Variants in SDK1 observed in about 807,000 individuals in gnomAD.
SDK1 encodes sidekick cell adhesion molecule 1.
In SDK1, 157 loss-of-function variants were observed where a neutral mutation model predicts 245.5. That is an observed-to-expected ratio of 0.64 (90% CI 0.56 to 0.73). The LOEUF (loss-of-function observed/expected upper bound fraction) is 0.73. Ranked by LOEUF, SDK1 falls within the 30% of genes least tolerant of loss-of-function variation. The pLI, the probability that SDK1 is intolerant of heterozygous loss-of-function variation, is 0.00. For synonymous variants in SDK1, 1,647 were observed against 1,278.5 expected, an observed-to-expected ratio of 1.29 and a Z score of -6.15; for missense variants, 3,583 against 3,002.3, an observed-to-expected ratio of 1.19 and a Z score of -4.52.
chr7:3,673,287 G>T (rs1783779135), intron 4 of SDK1, among the ~76,000 whole-genome samples: 2 of 152,196 alleles, frequency 1.3e-5, no homozygotes, highest in Admixed American at 1.3e-4. Flanking sequence ...GGCGGTTCAT[G>T]ATCAACAGAA....
At position 3,989,662 on chromosome 7, in the gene SDK1, C is replaced by T. The variant is rs191821762; in HGVS notation, c.2131+2340C>T. ...CCCTGAAACCCAGCTCCCCGTGGGT[C>T]CCTGGTGCTGCTCACTTTTCTGGGC... On this transcript the variant is annotated intron_variant, in intron 14 of 44. Transcript: ENST00000404826. Among the ~76,000 whole-genome samples the T allele has an allele frequency of 7.0e-3, 1,059 of 152,286 alleles. 13 individuals carry two copies. The highest frequency in any genetic ancestry group is 0.024 in the African/African-American group (999 of 41,548).
At chr7:3,730,742 C>T (rs964393540) in intron 4 of SDK1, among the ~76,000 whole-genome samples, 1 of 152,132 alleles carries the variant, frequency 6.6e-6, no homozygotes, top group African/African-American at 2.4e-5. Context: ...AATGGATCAA[C>T]AGGCAGCCAA....
intron 22 of SDK1, among the ~76,000 whole-genome samples, chr7:4,098,824 CTTTTT>C (rs58678214): frequency 3.6e-5 from 3 of 82,862 alleles, no homozygotes; most frequent in Admixed American, 2.8e-4. Flanking sequence ...CCACAATGCC[CTTTTT>C]TTTTTTTTTT....
At chr7:3,524,272 T>C (rs1367056121) in intron 1 of SDK1, among the ~76,000 whole-genome samples, 1 of 152,146 alleles carries the variant, frequency 6.6e-6, no homozygotes, top group East Asian at 1.9e-4. Context: ...CTATAGAGGA[T>C]GCTGAGTCAA....
intron 1 of SDK1, among the ~76,000 whole-genome samples, chr7:3,558,553 G>C (rs1348408884): frequency 1.3e-5 from 2 of 152,204 alleles, no homozygotes; most frequent in Non-Finnish European, 2.9e-5. Flanking sequence ...GCCTGGTACA[G>C]GCCATGTGGA....
intron 5 of SDK1, among the ~76,000 whole-genome samples, chr7:3,857,471 C>A (rs1299041376): frequency 6.6e-6 from 1 of 151,804 alleles, no homozygotes; most frequent in African/African-American, 2.4e-5. Flanking sequence ...TTGTTTGTGC[C>A]CAGGAGTTCA....
intron 5 of SDK1, among the ~76,000 whole-genome samples, chr7:3,900,165 CTG>C (rs963871688): frequency 6.6e-6 from 1 of 152,340 alleles, no homozygotes; most frequent in East Asian, 1.9e-4. Context: ...TCCTTCTAAT[CTG>C]TGTCTTTATA....
At chr7:3,313,750 T>A (rs1372321439) in intron 1 of SDK1, among the ~76,000 whole-genome samples, 1 of 152,158 alleles carries the variant, frequency 6.6e-6, no homozygotes, top group Non-Finnish European at 1.5e-5. Flanking sequence ...TTGTACAACA[T>A]GGTGACTATA....
chr7:4,200,921 G>T (rs571114108), intron 35 of SDK1, among the ~76,000 whole-genome samples: 1 of 152,228 alleles, frequency 6.6e-6, no homozygotes, highest in South Asian at 2.1e-4. Flanking sequence ...ATGCATTACA[G>T]ATTGTTGGAG....
At chr7:4,106,060 C>A (rs1040291443) in intron 22 of SDK1, among the ~76,000 whole-genome samples, 1 of 152,074 alleles carries the variant, frequency 6.6e-6, no homozygotes, top group Non-Finnish European at 1.5e-5. Flanking sequence ...ACCTTGGCTG[C>A]CACCTTCAGT....
At chr7:3,971,779 C>A (rs1206389686) in intron 12 of SDK1, among the ~76,000 whole-genome samples, 1 of 152,176 alleles carries the variant, frequency 6.6e-6, no homozygotes, top group Non-Finnish European at 1.5e-5. Context: ...GAGCTATGTT[C>A]CACTTCATGA....
chr7:4,058,484 A>C (rs570090606), intron 19 of SDK1, among the ~76,000 whole-genome samples: 12 of 152,232 alleles, frequency 7.9e-5, no homozygotes, highest in Non-Finnish European at 1.5e-4. Context: ...AGACATCCAG[A>C]TATGGGAGGC....
chr7:4,095,410 G>A (rs1782085497), intron 22 of SDK1, among the ~76,000 whole-genome samples: 1 of 152,156 alleles, frequency 6.6e-6, no homozygotes, highest in Admixed American at 6.5e-5. Context: ...GGGAGTCCGG[G>A]TTTCTGAAAA....
intron 1 of SDK1, among the ~76,000 whole-genome samples, chr7:3,471,687 T>G (rs1024148959): frequency 6.6e-6 from 1 of 152,200 alleles, no homozygotes; most frequent in Admixed American, 6.5e-5. Context: ...GTTTTCAAGA[T>G]GAAGGACTGA....
chr7:3,549,261 G>A (rs1324047326), intron 1 of SDK1, among the ~76,000 whole-genome samples: 1 of 152,144 alleles, frequency 6.6e-6, no homozygotes, highest in Non-Finnish European at 1.5e-5. Flanking sequence ...CTTCCTGTGA[G>A]GATGCGTTGT....
chr7:3,822,455 G>C (rs115275066), intron 5 of SDK1, among the ~76,000 whole-genome samples: 4 of 152,086 alleles, frequency 2.6e-5, no homozygotes, highest in South Asian at 4.1e-4. Flanking sequence ...TGAAGGAATC[G>C]TTTCCCCTGC....
At chr7:4,236,377 G>A (rs1048755519) in intron 41 of SDK1, among the ~76,000 whole-genome samples, 5 of 152,144 alleles carry the variant, frequency 3.3e-5, no homozygotes, top group Non-Finnish European at 5.9e-5. Context: ...GAAGAAGAGC[G>A]TCCTTCAAAG....
At chr7:3,986,274 G>A (rs2128138862) in intron 13 of SDK1, among the ~76,000 whole-genome samples, 1 of 151,900 alleles carries the variant, frequency 6.6e-6, no homozygotes, top group South Asian at 2.1e-4. Context: ...TAGCCTTGCT[G>A]ATGTGTTCTT....
intron 20 of SDK1, among the ~76,000 whole-genome samples, chr7:4,069,930 C>T (rs1780141556): frequency 6.6e-6 from 1 of 152,196 alleles, no homozygotes; most frequent in Non-Finnish European, 1.5e-5. Context: ...CTCTCCTCTG[C>T]AGCGTTGATG....
Sources: gnomAD v4.1 joint callset for allele counts (sites outside exome capture counted in the v4.1 genomes callset) on GRCh38, gnomAD v4.1.1 for gene constraint, MANE v1.5 for transcripts, NCBI Gene and HGNC (gene_info 2026-07-23, HGNC 2026-07-21) for gene names.